STK32B: variants seen among roughly 807,000 people sequenced by gnomAD.
STK32B encodes the protein serine/threonine-protein kinase 32B.
A neutral mutation model predicts 52.6 loss-of-function variants in STK32B; 43 were observed. That is an observed-to-expected ratio of 0.82 (90% CI 0.64 to 1.05). STK32B has a LOEUF of 1.05. Among genes scored for constraint, STK32B ranks in the 50% least tolerant of loss-of-function variants. The pLI is 0.00. For synonymous variants in STK32B, 238 were observed against 204.3 expected, an observed-to-expected ratio of 1.17 and a Z score of -1.41; for missense variants, 621 against 534.6, an observed-to-expected ratio of 1.16 and a Z score of -1.59.
At chr4:5,488,375 C>A (rs1379765431) in intron 11 of STK32B, among the ~76,000 whole-genome samples, 1 of 152,156 alleles carries the variant, frequency 6.6e-6, no homozygotes, top group Non-Finnish European at 1.5e-5. Flanking sequence ...AATTAACAAA[C>A]AGAACATCCT....
chr4:5,328,575 A>T (rs1464470703), intron 3 of STK32B, among the ~76,000 whole-genome samples: 1 of 152,220 alleles, frequency 6.6e-6, no homozygotes, highest in Non-Finnish European at 1.5e-5. Context: ...TTTGGGTGCT[A>T]TATGGATGCC....
chr4:5,113,972 G>A (rs753070159), intron 1 of STK32B, among the ~76,000 whole-genome samples: 7 of 151,952 alleles, frequency 4.6e-5, no homozygotes, highest in Non-Finnish European at 8.8e-5. Flanking sequence ...TTACTATCAC[G>A]AGAATAGCAT....
At chr4:5,439,839 A>G (rs1714534076) in intron 6 of STK32B, among the ~76,000 whole-genome samples, 1 of 151,476 alleles carries the variant, frequency 6.6e-6, no homozygotes. Context: ...CAGTTTTCCC[A>G]GCACCATTTA....
chr4:5,396,011 G>T lies in STK32B; in HGVS notation c.435-2196G>T, dbSNP rs898801476. On this transcript the variant is annotated intron_variant, in intron 4 of 11. Coordinates refer to ENST00000282908, the MANE Select transcript of STK32B (RefSeq NM_018401.3). The surrounding 1 kb of genome is among the most constrained non-coding windows in gnomAD (Gnocchi z 4.7). ...TCCAAGGCCATGCTGTCATTAATGG[G>T]GCCCTAGCTGCCCTTTGAGGTTTGC... Among the ~76,000 whole-genome samples, 2 of 152,230 alleles carry T rather than the reference G, an allele frequency of 1.3e-5. No homozygotes were observed. The highest frequency in any genetic ancestry group is 4.8e-5 in the African/African-American group (2 of 41,466).
chr4:5,386,825 C>T lies in STK32B; in HGVS notation c.435-11382C>T, dbSNP rs1228517633. 1.3e-5 allele frequency among the ~76,000 whole-genome samples: 2 copies of T among 152,010 alleles called. No individual in the cohort carries two copies. The highest frequency in any genetic ancestry group is 1.9e-4 in the East Asian group (1 of 5,188). ...AACTCTCGGATTCCAATAGAAGTCA[C>T]GTGGATAGAGTCGGATTCAGCCTTG... On this transcript the variant is annotated intron_variant, in intron 4 of 11. Transcript: ENST00000282908. The surrounding 1 kb of genome is among the most constrained non-coding windows in gnomAD (Gnocchi z 4.5).
At chr4:5,286,855 T>A (rs1728579762) in intron 3 of STK32B, among the ~76,000 whole-genome samples, 1 of 145,896 alleles carries the variant, frequency 6.9e-6, no homozygotes, top group Non-Finnish European at 1.5e-5. Flanking sequence ...TGGAGTGCAG[T>A]GACGCGATCT....
At chr4:5,465,481 G>A (rs536491369) in intron 9 of STK32B, among the ~76,000 whole-genome samples, 1 of 152,130 alleles carries the variant, frequency 6.6e-6, no homozygotes, top group Non-Finnish European at 1.5e-5. Context: ...TCAGCTTTAG[G>A]TAGCAAGACC....
chr4:5,159,588 A>AAT lies in STK32B; in HGVS notation c.109-8704_109-8703dup, dbSNP rs1471717766. Among the ~76,000 whole-genome samples, 50 of 105,860 alleles carry AAT rather than the reference A, an allele frequency of 4.7e-4. 10 individuals carry two copies. The highest frequency in any genetic ancestry group is 1.6e-3 in the African/African-American group (31 of 19,372). The allele number at this position is 105,860 out of a possible 152,430, so 69.4% of individuals were successfully genotyped here. A position where few individuals can be genotyped will look rare whatever the true frequency, so the allele number is the denominator to read the frequency against. On this transcript the variant is annotated intron_variant, in intron 2 of 11. Transcript: ENST00000282908. ...ATGAATATATATGAATATATATATG[A>AAT]ATATATATGAATATATATATGAATA...
chr4:5,250,310 C>CTT lies in STK32B; in HGVS notation c.261-80891_261-80890dup, dbSNP rs143911318. On this transcript the variant is annotated intron_variant, in intron 3 of 11. Coordinates refer to ENST00000282908, the MANE Select transcript of STK32B (RefSeq NM_018401.3). ...ATGAATGGTAATTCTGTTTTAAGTT[C>CTT]TTTTTTTTTTTTTTTTTTTTGAGAC... Among the ~76,000 whole-genome samples the CTT allele has an allele frequency of 8.4e-3, 1,005 of 119,232 alleles. 21 individuals carry two copies. The highest frequency in any genetic ancestry group is 0.028 in the African/African-American group (886 of 31,674). 78.2% of individuals were successfully genotyped at this position (119,232 alleles called of 152,430 possible).
intron 3 of STK32B, among the ~76,000 whole-genome samples, chr4:5,239,311 G>C (rs928371823): frequency 6.6e-6 from 1 of 152,174 alleles, no homozygotes; most frequent in African/African-American, 2.4e-5. Context: ...GGGTGGGAGT[G>C]AGGTTATCCC....
At chr4:5,037,916 G>A in the STK32B span, among the ~76,000 whole-genome samples, 3 of 152,130 alleles carry the variant, frequency 2.0e-5, no homozygotes, top group African/African-American at 7.2e-5. Flanking sequence ...TTTTTTGGGT[G>A]AATGAATGGA....
At chr4:5,417,194 G>A (rs1182836039) in intron 6 of STK32B, among the ~76,000 whole-genome samples, 1 of 152,212 alleles carries the variant, frequency 6.6e-6, no homozygotes, top group East Asian at 1.9e-4. Flanking sequence ...AGGCTTGAGA[G>A]GGTGGCAAAC....
intron 3 of STK32B, among the ~76,000 whole-genome samples, chr4:5,269,820 T>C (rs570278507): frequency 6.6e-6 from 1 of 150,818 alleles, no homozygotes; most frequent in East Asian, 1.9e-4. Context: ...AAACCAAAGA[T>C]ATAAGAAAAC....
intron 5 of STK32B, among the ~76,000 whole-genome samples, chr4:5,412,873 G>A (rs932821365): frequency 4.6e-5 from 7 of 151,996 alleles, no homozygotes; most frequent in South Asian, 2.1e-4. Flanking sequence ...AATTGAGTCC[G>A]ATCATATCAA....
chr4:5,499,063 A>T lies in STK32B; in HGVS notation c.1225A>T (p.Thr409Ser), dbSNP rs1358915442. ...CAACAACCTCCTCACCCACACCTGC[A>T]CCCGTGGCTGCAGCAGCTGAGCCCA... Reference protein sequence around the residue: ...CNNNLLTHTCTRGCSS With the variant: ...CNNNLLTHTCSRGCSS The change falls in exon 12 of 12, where the codon ACC becomes TCC. Residue 409 changes from threonine (T) to serine (S), a missense_variant. By Grantham distance (58) the Thr-to-Ser change is moderately conservative (BLOSUM62 1). Coordinates refer to ENST00000282908, the MANE Select transcript of STK32B (RefSeq NM_018401.3). 6.2e-7 allele frequency: 1 copy of T among 1,611,722 alleles called. No individual in the cohort carries two copies. The highest frequency in any genetic ancestry group is 1.3e-5 in the African/African-American group (1 of 74,796).
chr4:5,051,819 G>A lies in STK32B; in HGVS notation c.-45G>A. On this transcript the variant is annotated 5_prime_UTR_variant, in exon 1 of 12. Coordinates refer to ENST00000282908, the MANE Select transcript of STK32B (RefSeq NM_018401.3). Reference sequence around the variant, plus strand: ...GCGCGCGTCCCACATCCCGCATCCGGCATCCCAGCGGCCGGGCATGTAGCA... The same window carrying A: ...GCGCGCGTCCCACATCCCGCATCCGACATCCCAGCGGCCGGGCATGTAGCA... 1.1e-5 allele frequency: 18 copies of A among 1,568,386 alleles called. No individual in the cohort carries two copies. Among genetic ancestry groups the A allele is most frequent in the Admixed American group, 1.9e-5 (1 of 53,610 alleles).
intron 11 of STK32B, among the ~76,000 whole-genome samples, chr4:5,480,725 C>A (rs1016055222): frequency 6.6e-6 from 1 of 151,994 alleles, no homozygotes; most frequent in Admixed American, 6.6e-5. Context: ...AATGCTATCC[C>A]TCCCCCCTCC....
rs572127507 is a variant in STK32B at position 5,234,694 on chromosome 4, G to A, written c.260+66244G>A. Among the ~76,000 whole-genome samples, 8 of 152,244 alleles carry A rather than the reference G, an allele frequency of 5.3e-5. No individual in the cohort carries two copies. The East Asian group carries it at 5.8e-4, about 11-fold the overall frequency. ...TCTGAGCACGTTTACCTGTGCTTTC[G>A]TGTTGGGGCCACAGCAATCCAATGA... is the stretch of plus-strand genomic sequence containing the variant. On this transcript the variant is annotated intron_variant, in intron 3 of 11. Transcript: ENST00000282908.
intron 11 of STK32B, among the ~76,000 whole-genome samples, chr4:5,479,923 G>A (rs1038495304): frequency 6.6e-6 from 1 of 152,094 alleles, no homozygotes; most frequent in Admixed American, 6.6e-5. Flanking sequence ...ACACACTCTG[G>A]AACCAGACTG....
Sources: gnomAD v4.1 joint callset for allele counts (sites outside exome capture counted in the v4.1 genomes callset) on GRCh38, gnomAD v4.1.1 for gene constraint, Gnocchi (gnomAD v3.1) non-coding constraint, MANE v1.5 for transcripts, NCBI Gene and HGNC (gene_info 2026-07-23, HGNC 2026-07-21) for gene names.